UPP2: variants seen among roughly 807,000 people sequenced by gnomAD.
UPP2 encodes UPase 2.
A neutral mutation model predicts 26.7 loss-of-function variants in UPP2; 23 were observed. The observed-to-expected ratio is 0.86, with a 90% confidence interval of 0.62 to 1.22. The LOEUF (loss-of-function observed/expected upper bound fraction) is 1.22. Among genes scored for constraint, UPP2 ranks in the 50% most tolerant of loss-of-function variants. The pLI, the probability that UPP2 is intolerant of heterozygous loss-of-function variation, is 0.00. For missense variants in UPP2, 387 were observed against 396.7 expected, an observed-to-expected ratio of 0.98 and a Z score of 0.21; for synonymous variants, 127 against 141.3, an observed-to-expected ratio of 0.90 and a Z score of 0.72.
intron 2 of UPP2, among the ~76,000 whole-genome samples, chr2:157,995,910 A>C (rs1035232641): frequency 3.3e-5 from 5 of 151,996 alleles, no homozygotes; most frequent in African/African-American, 1.2e-4. Flanking sequence ...TTATTTTCTT[A>C]AGCTAAAGTG....
At chr2:158,067,574 G>A (rs1033174908) in intron 3 of UPP2, among the ~76,000 whole-genome samples, 1 of 152,112 alleles carries the variant, frequency 6.6e-6, no homozygotes, top group Non-Finnish European at 1.5e-5. Flanking sequence ...ACTTTCAGAA[G>A]ATGAATGGTG....
intron 3 of UPP2, among the ~76,000 whole-genome samples, chr2:158,039,705 A>G (rs1684058108): frequency 6.6e-6 from 1 of 152,184 alleles, no homozygotes; most frequent in Non-Finnish European, 1.5e-5. Flanking sequence ...AGAGTCTTAG[A>G]CCCCACTCCA....
chr2:158,053,119 C>A (rs1434834132), intron 3 of UPP2, among the ~76,000 whole-genome samples: 1 of 152,136 alleles, frequency 6.6e-6, no homozygotes, highest in East Asian at 1.9e-4. Flanking sequence ...TAGAAGCCCC[C>A]ACACCAAGTG....
intron 3 of UPP2, among the ~76,000 whole-genome samples, chr2:158,056,710 TAGAA>T (rs1558916674): frequency 1.3e-5 from 2 of 152,200 alleles, no homozygotes; most frequent in African/African-American, 4.8e-5. Flanking sequence ...GTGAGATTCT[TAGAA>T]GGACGGCAGT....
At chr2:158,063,569 C>T (rs1039948300) in intron 3 of UPP2, among the ~76,000 whole-genome samples, 3 of 151,028 alleles carry the variant, frequency 2.0e-5, no homozygotes, top group African/African-American at 7.3e-5. Flanking sequence ...TGCCTGGGGA[C>T]CAGCTGTAGG....
intron 3 of UPP2, among the ~76,000 whole-genome samples, chr2:158,076,011 GGA>G (rs1410312640): frequency 6.6e-6 from 1 of 151,850 alleles, no homozygotes; most frequent in Non-Finnish European, 1.5e-5. Flanking sequence ...TGATTCCACT[GGA>G]ATTCAAAGGA....
At position 158,135,045 on chromosome 2, in the gene UPP2, AT is replaced by A. The variant is rs1460227466; in HGVS notation, c.*157del. 15 of 893,316 alleles carry A rather than the reference AT, an allele frequency of 1.7e-5. No homozygotes were observed. In the East Asian group the frequency reaches 4.1e-4, roughly 24 times the overall value. 55.3% of individuals were successfully genotyped at this position (893,316 alleles called of 1,614,324 possible). ...ATCCTTCTCTCTTAAAAAGGAATTT[AT>A]TGTAAAAGAATACTCACACTAAATT... On this transcript the variant is annotated 3_prime_UTR_variant, in exon 7 of 7. Coordinates refer to ENST00000005756, the MANE Select transcript of UPP2 (RefSeq NM_173355.4).
chr2:158,059,028 G>A (rs959241233), intron 3 of UPP2, among the ~76,000 whole-genome samples: 35 of 152,202 alleles, frequency 2.3e-4, no homozygotes, highest in African/African-American at 8.2e-4. Context: ...CCCAGAGTCA[G>A]CTGAGGAGGT....
At chr2:158,116,827 A>G (rs535285679) in intron 3 of UPP2, among the ~76,000 whole-genome samples, 3 of 152,346 alleles carry the variant, frequency 2.0e-5, no homozygotes, top group Admixed American at 2.0e-4. Flanking sequence ...ATACAAATCA[A>G]TACAAGTTCG....
intron 3 of UPP2, among the ~76,000 whole-genome samples, chr2:158,079,119 T>C (rs923684157): frequency 1.3e-5 from 2 of 152,100 alleles, no homozygotes; most frequent in Admixed American, 1.3e-4. Context: ...CCTTCTGCCA[T>C]GATTGTAAGT....
intron 3 of UPP2, among the ~76,000 whole-genome samples, chr2:158,116,113 C>T (rs925412203): frequency 9.9e-5 from 15 of 152,250 alleles, no homozygotes; most frequent in Non-Finnish European, 1.6e-4. Flanking sequence ...TGAAAACCTG[C>T]GGTAAAGAAG....
At chr2:158,100,470 A>G (rs1377247759), upstream of UPP2, among the ~76,000 whole-genome samples, 1 of 152,242 alleles carries the variant, frequency 6.6e-6, no homozygotes, top group East Asian at 1.9e-4. Flanking sequence ...TCTCCTCATT[A>G]TACCTTAAAA....
intron 2 of UPP2, among the ~76,000 whole-genome samples, chr2:158,007,046 A>G (rs570537855): frequency 2.0e-4 from 30 of 152,206 alleles, no homozygotes; most frequent in Admixed American, 1.4e-3. Flanking sequence ...TGAGGTACCC[A>G]TTTGTATCCT....
At chr2:158,084,808 A>T (rs1330769098) in intron 3 of UPP2, among the ~76,000 whole-genome samples, 1 of 151,972 alleles carries the variant, frequency 6.6e-6, no homozygotes, top group East Asian at 1.9e-4. Context: ...TGGTGTAAGT[A>T]TTTGGGTTTA....
chr2:158,049,626 A>C (rs1682114940), intron 3 of UPP2, among the ~76,000 whole-genome samples: 1 of 152,118 alleles, frequency 6.6e-6, no homozygotes, highest in African/African-American at 2.4e-5. Flanking sequence ...AGTCGGGGAG[A>C]ACAGGCAGCA....
At position 158,135,078 on chromosome 2, in the gene UPP2, A is replaced by C; in HGVS notation, c.*188A>C. On this transcript the variant is annotated 3_prime_UTR_variant, in exon 7 of 7. Coordinates refer to ENST00000005756, the MANE Select transcript of UPP2 (RefSeq NM_173355.4). The stretch of plus-strand genomic sequence containing the variant: ...AGAATACTCACACTAAATTAAATTC[A>C]AATTTCATTTTAGAATAAGTTAACT... The C allele has an allele frequency of 1.5e-6, 1 of 665,540 alleles. No individual in the cohort carries two copies. Among genetic ancestry groups the C allele is most frequent in the Non-Finnish European group, 2.2e-6 (1 of 450,826 alleles). The allele number at this position is 665,540 out of a possible 1,614,324, so 41.2% of individuals were successfully genotyped here.
At chr2:158,090,096 A>G (rs1452997879) in intron 3 of UPP2, among the ~76,000 whole-genome samples, 2 of 152,218 alleles carry the variant, frequency 1.3e-5, no homozygotes, top group Admixed American at 6.5e-5. Context: ...ATATTTAAAA[A>G]TAACTAAAAG....
chr2:158,064,379 G>A (rs1344392114), intron 3 of UPP2, among the ~76,000 whole-genome samples: 1 of 151,708 alleles, frequency 6.6e-6, no homozygotes, highest in Non-Finnish European at 1.5e-5. Flanking sequence ...ATGTTTGTTG[G>A]CCACATGAAT....
chr2:158,017,396 AG>A (rs372593930), intron 3 of UPP2, among the ~76,000 whole-genome samples: 54 of 152,046 alleles, frequency 3.6e-4, no homozygotes, highest in Middle Eastern at 3.4e-3. Context: ...AAGTCATCTT[AG>A]TACTTATATC....
Sources: allele counts gnomAD v4.1 joint callset (sites outside exome capture counted in the v4.1 genomes callset), GRCh38; gene constraint gnomAD v4.1.1; transcripts MANE v1.5; gene names NCBI Gene and HGNC (gene_info 2026-07-23, HGNC 2026-07-21).